Variants in CASK observed in about 807,000 individuals in gnomAD.
The protein encoded by CASK is peripheral plasma membrane protein CASK.
Under a neutral mutation model 82.9 loss-of-function variants are expected in CASK, and 4 were observed. The observed-to-expected ratio is 0.05, with a 90% CI of 0.02 to 0.11. The LOEUF is 0.11. CASK is among the 10% of genes least tolerant of loss of function. The probability of loss-of-function intolerance (pLI) is 1.00; values close to 1 mark genes in which losing one functional copy is unlikely to be tolerated. For synonymous variants in CASK, 259 were observed against 253.5 expected (o/e 1.02, Z -0.20); for missense variants, 358 against 720.9 (o/e 0.50, Z 5.76).
chrX:41,582,357 C>T (rs1220588960), intron 14 of CASK, among the ~76,000 whole-genome samples: 1 of 111,516 alleles, frequency 9.0e-6, no homozygotes, highest in Non-Finnish European at 1.9e-5. Flanking sequence ...GCTCTGTCTC[C>T]CAGGCTGGAG....
chrX:41,656,967 C>T (rs952156179), intron 8 of CASK, among the ~76,000 whole-genome samples: 1 of 111,133 alleles, frequency 9.0e-6, no homozygotes, highest in Non-Finnish European at 1.9e-5. Flanking sequence ...TTCCTAAGGA[C>T]CTGATGGGGG....
At chrX:41,770,242 AATCTATCT>A (rs747617749) in intron 3 of CASK, among the ~76,000 whole-genome samples, 1 of 106,435 alleles carries the variant, frequency 9.4e-6, no homozygotes, top group African/African-American at 3.5e-5. Context: ...AAAATAATAC[AATCTATCT>A]ATCTATCATC....
intron 5 of CASK, among the ~76,000 whole-genome samples, chrX:41,733,899 G>A (rs1350664182): frequency 9.0e-6 from 1 of 111,578 alleles, no homozygotes; most frequent in Non-Finnish European, 1.9e-5. Context: ...AAGAGACTAC[G>A]GAATGCTTTA....
chrX:41,754,166 G>T (rs2068847683), intron 3 of CASK, among the ~76,000 whole-genome samples: 1 of 111,377 alleles, frequency 9.0e-6, no homozygotes, highest in Admixed American at 9.6e-5. Context: ...GGGAGGCTGA[G>T]GTGGGAGGAT....
At chrX:41,735,374 A>C (rs1476280727) in intron 5 of CASK, among the ~76,000 whole-genome samples, 1 of 111,667 alleles carries the variant, frequency 9.0e-6, no homozygotes, top group East Asian at 2.8e-4. Flanking sequence ...AAAAATATTA[A>C]CAAATCAAAC....
intron 6 of CASK, among the ~76,000 whole-genome samples, chrX:41,670,844 G>T (rs1230993677): frequency 8.9e-6 from 1 of 111,760 alleles, no homozygotes; most frequent in Non-Finnish European, 1.9e-5. Flanking sequence ...CTAGCTATAA[G>T]GAATTGAGTT....
intron 1 of CASK, among the ~76,000 whole-genome samples, chrX:41,905,443 A>G (rs2072454263): frequency 8.9e-6 from 1 of 112,676 alleles, no homozygotes; most frequent in Non-Finnish European, 1.9e-5. Flanking sequence ...ATGAAGTGGT[A>G]TTTCATTTGG....
chrX:41,856,834 A>G (rs1200978162), intron 1 of CASK, among the ~76,000 whole-genome samples: 3 of 108,911 alleles, frequency 2.8e-5, no homozygotes, highest in Admixed American at 2.0e-4. Flanking sequence ...GGGTCTCACA[A>G]CTGGAAACAC....
intron 2 of CASK, among the ~76,000 whole-genome samples, chrX:41,841,329 T>G (rs1466650259): frequency 2.7e-5 from 3 of 111,458 alleles, no homozygotes; most frequent in Non-Finnish European, 5.6e-5. Context: ...ATGTGTTTAT[T>G]GACCATTTGT....
At chrX:41,692,781 A>G (rs2067596821) in intron 5 of CASK, among the ~76,000 whole-genome samples, 1 of 111,766 alleles carries the variant, frequency 8.9e-6, no homozygotes, top group African/African-American at 3.3e-5. Context: ...AGTAGTAACA[A>G]TTTTCATTTC....
chrX:41,626,757 T>C, intron 9 of CASK, 54 bp from the exon 10 acceptor site: 1 of 751,710 alleles, frequency 1.3e-6, no homozygotes, highest in Non-Finnish European at 2.0e-6. Context: ...CAAATATAAA[T>C]AAGTTATTTA....
In CASK at chrX:41,727,408, C is replaced by T. The variant is rs190491145; in HGVS notation, c.429+11976G>A. ...TACCTTAATGCAAAAGGATTCCTCG[C>T]AAGAGACTACTTCATGCTATGAGAA... On this transcript the variant is annotated intron_variant, in intron 5 of 26. Coordinates refer to ENST00000378163, the MANE Select transcript of CASK (RefSeq NM_001367721.1). 26 of 1,209,483 alleles carry T rather than the reference C, an allele frequency of 2.1e-5. No homozygotes were observed. In the Admixed American group the frequency reaches 3.7e-4, roughly 17 times the overall value.
intron 8 of CASK, among the ~76,000 whole-genome samples, chrX:41,643,256 G>C (rs12394586): frequency 0.025 from 2,772 of 111,655 alleles, 90 homozygotes; most frequent in African/African-American, 0.086. Context: ...TGGCAATGCG[G>C]GCTCTTTTTT....
intron 5 of CASK, among the ~76,000 whole-genome samples, chrX:41,686,522 G>A (rs926029309): frequency 1.8e-5 from 2 of 109,949 alleles, no homozygotes; most frequent in South Asian, 7.8e-4. Flanking sequence ...ACAGGCGTAC[G>A]CCACCATGCC....
chrX:41,815,627 T>C (rs1455301671), intron 2 of CASK, among the ~76,000 whole-genome samples: 3 of 111,269 alleles, frequency 2.7e-5, no homozygotes, highest in Non-Finnish European at 5.7e-5. Context: ...CTTAATGACA[T>C]GTGGGACAAT....
chrX:41,731,004 C>T (rs2068387356), intron 5 of CASK, among the ~76,000 whole-genome samples: 1 of 112,545 alleles, frequency 8.9e-6, no homozygotes, highest in Non-Finnish European at 1.9e-5. Flanking sequence ...TGTGCCCAGA[C>T]TAAGTAGTTT....
At chrX:41,667,665 T>A (rs971512973) in intron 6 of CASK, among the ~76,000 whole-genome samples, 2 of 111,517 alleles carry the variant, frequency 1.8e-5, no homozygotes, top group Non-Finnish European at 3.8e-5. Context: ...GCTCAAGCGA[T>A]CCTTCTGCCT....
At chrX:41,662,501 GA>G (rs1184878420) in intron 7 of CASK, among the ~76,000 whole-genome samples, 3 of 111,666 alleles carry the variant, frequency 2.7e-5, no homozygotes, top group African/African-American at 9.8e-5. Flanking sequence ...TTAGGGTGAT[GA>G]AATGTGGCCG....
chrX:41,642,254 T>C (rs77949968), intron 8 of CASK, among the ~76,000 whole-genome samples: 1,928 of 111,860 alleles, frequency 0.017, 36 homozygotes, highest in African/African-American at 0.059. Flanking sequence ...CCTTTGGTTA[T>C]ATACCCAGTA....
Sources: allele counts gnomAD v4.1 joint callset (sites outside exome capture counted in the v4.1 genomes callset), GRCh38; gene constraint gnomAD v4.1.1; transcripts MANE v1.5; gene names NCBI Gene and HGNC (gene_info 2026-07-23, HGNC 2026-07-21).